The following CORO1A variants were observed in gnomAD, a reference collection of about 807,000 sequenced individuals.
CORO1A encodes the protein coronin-1A.
CORO1A carries 17 observed loss-of-function variants against 44.1 expected under a neutral mutation model. The ratio of observed to expected loss-of-function variants is 0.39; its 90% CI spans 0.26 to 0.58. The LOEUF (loss-of-function observed/expected upper bound fraction) is 0.58. Among genes scored for constraint, CORO1A ranks in the 20% least tolerant of loss-of-function variants. The pLI, the probability that CORO1A is intolerant of heterozygous loss-of-function variation, is 0.62. For missense variants in CORO1A, 415 were observed against 606.5 expected, an observed-to-expected ratio of 0.68 and a Z score of 3.32; for synonymous variants, 271 against 244.2, an observed-to-expected ratio of 1.11 and a Z score of -1.02.
Position 30,187,412 on chromosome 16 carries a change from C to A in CORO1A, c.667C>A (p.Pro223Thr). The A allele has an allele frequency of 6.2e-7, 1 of 1,611,182 alleles. No homozygotes were observed. The highest frequency in any genetic ancestry group is 8.5e-7 in the Non-Finnish European group (1 of 1,180,014). The change falls in exon 6 of 11, where the codon CCC becomes ACC. Residue 223 changes from proline (P) to threonine (T), a missense_variant. Around this residue, in one of 2 missense-constraint regions of CORO1A, gnomAD observed 325 missense variants for 521.7 expected, o/e 0.62. Transcript: ENST00000219150. ...GGACCGTCCCCACGAGGGGACCCGG[C>A]CCGTGCGTGCAGTGTTCGTGTCGGA... ...EKDRPHEGTR[P>T]VRAVFVSEGK...
chr16:30,184,931 A>C lies in CORO1A; in HGVS notation c.-1-278A>C. Reference sequence around the variant, plus strand: ...TCAGTCAACAAACATGCAGTGGGGCAACACCACGCCAGGCTCTGTTGCAGA... The same window carrying C: ...TCAGTCAACAAACATGCAGTGGGGCCACACCACGCCAGGCTCTGTTGCAGA... On this transcript the variant is annotated intron_variant, in intron 1 of 10. Transcript: ENST00000219150. This position sits in a 1 kb window ranked among gnomAD's most constrained non-coding sequence, Gnocchi z 4.3. The C allele has an allele frequency of 1.8e-6, 1 of 559,034 alleles. No individual in the cohort carries two copies. Among genetic ancestry groups the C allele is most frequent in the Non-Finnish European group, 3.2e-6 (1 of 310,900 alleles). 34.6% of individuals were successfully genotyped at this position (559,034 alleles called of 1,614,324 possible). A position where few individuals can be genotyped will look rare whatever the true frequency, so the allele number is the denominator to read the frequency against.
chr16:30,184,705 C>G lies in CORO1A; in HGVS notation c.-1-504C>G, dbSNP rs1160923220. ...CACTCCCCTCAGGCAGCCCCCACGC[C>G]ACTTCCTCCTGTGTCCAGCCCCATG... On this transcript the variant is annotated intron_variant, in intron 1 of 10. Transcript: ENST00000219150. The surrounding 1 kb of genome is among the most constrained non-coding windows in gnomAD (Gnocchi z 4.3). The G allele has an allele frequency of 5.0e-6, 1 of 202,012 alleles. No individual in the cohort carries two copies. The highest frequency in any genetic ancestry group is 2.3e-5 in the African/African-American group (1 of 42,570). The allele number at this position is 202,012 out of a possible 1,614,324, so 12.5% of individuals were successfully genotyped here.
intron 2 of CORO1A, 96 bp from the exon 3 acceptor site, chr16:30,186,502 A>ACAGCTTTCCTCT: frequency 6.8e-7 from 1 of 1,460,920 alleles, no homozygotes; most frequent in Non-Finnish European, 9.5e-7. Flanking sequence ...CAGGGACACC[A>ACAGCTTTCCTCT]CAGCTTTCCT....
At chr16:30,188,721 T>C (rs1272641702) in intron 10 of CORO1A, 139 bp from the exon 11 acceptor site, 14 of 661,156 alleles carry the variant, frequency 2.1e-5, no homozygotes, top group South Asian at 1.3e-4. Context: ...TTCAGATTGA[T>C]AGGCCTGCAG....
Position 30,186,833 on chromosome 16 carries a change from TG to T in CORO1A, c.344del (p.Gly115AlafsTer2). 6.2e-7 allele frequency: 1 copy of T among 1,611,136 alleles called. No homozygotes were observed. ...CTVMVWEIPD[G>X]GLMLPLREPV... ...CTCTGCAGGTGTGGGAGATCCCAGATGGGGGCCTGATGCTGCCCCTGCGGGA... is the reference window on the plus strand; with the variant it reads ...CTCTGCAGGTGTGGGAGATCCCAGATGGGGCCTGATGCTGCCCCTGCGGGA... On this transcript the variant is annotated frameshift_variant, in exon 4 of 11. Coordinates refer to ENST00000219150, the MANE Select transcript of CORO1A (RefSeq NM_007074.4). LOFTEE classifies it high-confidence loss of function.
At chr16:30,185,058 G>C in intron 1 of CORO1A, 151 bp from the exon 2 acceptor site, 1 of 765,850 alleles carries the variant, frequency 1.3e-6, no homozygotes, top group East Asian at 2.7e-5. Flanking sequence ...AGGCAAGCAG[G>C]CATCAGCCAC....
chr16:30,187,669 C>A, intron 6 of CORO1A, 56 bp from the exon 7 acceptor site: 1 of 1,490,100 alleles, frequency 6.7e-7, no homozygotes, highest in South Asian at 1.1e-5. Context: ...AGGTCACTGC[C>A]CAGGGAAGAC....
At position 30,188,184 on chromosome 16, in the gene CORO1A, T is replaced by A. The variant is rs2073366414; in HGVS notation, c.1008-8T>A. The A allele has an allele frequency of 1.9e-6, 3 of 1,613,854 alleles. No individual in the cohort carries two copies. In the Admixed American group the frequency reaches 5.0e-5, roughly 27 times the overall value. ...CTGTGGGCCCCGCTCACCTTCCCCT[T>A]CCCACAGGTTCTACAAGCTGCACGA... On this transcript the variant is annotated splice_region_variant and splice_polypyrimidine_tract_variant and intron_variant, in intron 8 of 10. Transcript: ENST00000219150.
chr16:30,184,851 G>A lies in CORO1A; in HGVS notation c.-1-358G>A, dbSNP rs979329930. 1.0e-5 allele frequency: 4 copies of A among 394,080 alleles called. No homozygotes were observed. Among genetic ancestry groups the A allele is most frequent in the Admixed American group, 3.7e-5 (1 of 26,928 alleles). The allele number at this position is 394,080 out of a possible 1,614,324, so 24.4% of individuals were successfully genotyped here. ...ACCCACCCTCGGAGCCATCTGGGCT[G>A]ATGACGCCTGAGTCTGAACCATTAG... is the stretch of plus-strand genomic sequence containing the variant. On this transcript the variant is annotated intron_variant, in intron 1 of 10. Transcript: ENST00000219150. The surrounding 1 kb of genome is among the most constrained non-coding windows in gnomAD (Gnocchi z 4.3).
intron 2 of CORO1A, chr16:30,186,229 C>G: frequency 2.8e-6 from 1 of 351,622 alleles, no homozygotes; most frequent in Non-Finnish European, 5.5e-6. Context: ...CTCCACCCCC[C>G]CAGCCCCCAT....
intron 7 of CORO1A, 36 bp downstream of exon 7, chr16:30,187,865 G>GCCCCCGGGGCC: frequency 1.9e-6 from 1 of 513,368 alleles, no homozygotes; most frequent in Non-Finnish European, 3.6e-6. Context: ...TGGGAGGTGG[G>GCCCCCGGGGCC]CAGGATGGGC....
intron 2 of CORO1A, chr16:30,186,092 G>A (rs911698171): frequency 1.2e-4 from 25 of 211,900 alleles, no homozygotes; most frequent in South Asian, 5.2e-4. Flanking sequence ...AGCTGTCCCC[G>A]GAAGAAGCCA....
In CORO1A at chr16:30,184,658, T is replaced by TG. The variant is rs2073312940; in HGVS notation, c.-1-547dup. 5.2e-6 allele frequency: 1 copy of TG among 191,124 alleles called. No homozygotes were observed. Among genetic ancestry groups the TG allele is most frequent in the Non-Finnish European group, 1.1e-5 (1 of 90,250 alleles). The allele number at this position is 191,124 out of a possible 1,614,324, so 11.8% of individuals were successfully genotyped here. A position where few individuals can be genotyped will look rare whatever the true frequency, so the allele number is the denominator to read the frequency against. ...ACCTGGACCTGAGCCAGAGACCTGC[T>TG]GGGGAAGCTATCCTGCCGCCTCACT... On this transcript the variant is annotated intron_variant, in intron 1 of 10. Transcript: ENST00000219150. The surrounding 1 kb of genome is among the most constrained non-coding windows in gnomAD (Gnocchi z 4.3).
rs570148791 is a variant in CORO1A at position 30,187,121 on chromosome 16, G to C, written c.534G>C (p.Thr178=). 3.1e-6 allele frequency: 5 copies of C among 1,614,098 alleles called. No homozygotes were observed. The highest frequency in any genetic ancestry group is 1.1e-5 in the South Asian group (1 of 91,084). Residue 178 remains threonine (T), a synonymous_variant, in exon 5 of 11, where the codon ACG becomes ACC. Coordinates refer to ENST00000219150, the MANE Select transcript of CORO1A (RefSeq NM_007074.4). ...LTLGPEVHPD[T]IYSVDWSRDG... ...TGGGCCCAGAGGTGCACCCAGACAC[G>C]ATCTACAGTGTGGACTGGAGCCGAG...
At chr16:30,188,119 C>A (rs1458562918) in intron 8 of CORO1A, 32 bp downstream of exon 8, 2 of 1,613,784 alleles carry the variant, frequency 1.2e-6, no homozygotes, top group Non-Finnish European at 1.7e-6. Context: ...CCGCAGCATG[C>A]TCCTTGGGCA....
intron 1 of CORO1A, 101 bp from the exon 2 acceptor site, chr16:30,185,108 C>A: frequency 8.6e-7 from 1 of 1,166,682 alleles, no homozygotes; most frequent in Non-Finnish European, 1.3e-6. Flanking sequence ...GATGCTGGGA[C>A]CTTAAAAGCC....
rs61736363 is a variant in CORO1A, at chr16:30,185,263, G to C, written c.54G>C (p.Pro18=). 12 of 1,614,092 alleles carry C rather than the reference G, an allele frequency of 7.4e-6. No homozygotes were observed. The highest frequency in any genetic ancestry group is 5.3e-5 in the African/African-American group (4 of 74,942). The stretch of plus-strand genomic sequence containing the variant: ...AGTTCCGCCACGTGTTTGGACAGCC[G>C]GCCAAGGCCGACCAGTGCTATGAAG... ...SSKFRHVFGQ[P]AKADQCYEDV... Residue 18 remains proline, a synonymous_variant, in exon 2 of 11, where the codon CCG becomes CCC. Transcript: ENST00000219150.
rs1447606632 is a variant in CORO1A, at chr16:30,184,798, G to A, written c.-1-411G>A. 1.6e-5 allele frequency: 5 copies of A among 311,262 alleles called. No homozygotes were observed. The highest frequency in any genetic ancestry group is 3.1e-5 in the Non-Finnish European group (5 of 159,948). 19.3% of individuals were successfully genotyped at this position (311,262 alleles called of 1,614,324 possible). A position where few individuals can be genotyped will look rare whatever the true frequency, so the allele number is the denominator to read the frequency against. ...AGCGCTGTGTGGGTGTGAGGGAGGTGGGCTCTGGACACGGTAACTAAGAGA... is the reference window on the plus strand; with the variant it reads ...AGCGCTGTGTGGGTGTGAGGGAGGTAGGCTCTGGACACGGTAACTAAGAGA... On this transcript the variant is annotated intron_variant, in intron 1 of 10. Coordinates refer to ENST00000219150, the MANE Select transcript of CORO1A (RefSeq NM_007074.4). The surrounding 1 kb of genome is among the most constrained non-coding windows in gnomAD (Gnocchi z 4.3).
intron 10 of CORO1A, 128 bp downstream of exon 10, chr16:30,188,704 C>T: frequency 1.3e-6 from 1 of 744,828 alleles, no homozygotes. Context: ...GGCCTCAGAA[C>T]ACAGGTTTCA....
Sources: gnomAD v4.1 joint callset for allele counts on GRCh38, gnomAD v4.1.1 for gene constraint, gnomAD v4.1.1 regional missense constraint, Gnocchi (gnomAD v3.1) non-coding constraint, MANE v1.5 for transcripts, NCBI Gene and HGNC (gene_info 2026-07-23, HGNC 2026-07-21) for gene names.